The following ADCY8 variants were observed in gnomAD, a reference collection of about 807,000 sequenced individuals.
The protein encoded by ADCY8 is adenylate cyclase type 8.
Under a neutral mutation model 119.7 loss-of-function variants are expected in ADCY8, and 51 were observed. That is an observed-to-expected ratio of 0.43 (90% CI 0.34 to 0.54). The LOEUF (loss-of-function observed/expected upper bound fraction) is 0.54, where lower values mean the gene tolerates loss of function less well. Ranked by LOEUF, ADCY8 falls within the 20% of genes least tolerant of loss-of-function variation. ADCY8 has a pLI of 0.03. For missense variants in ADCY8, 1,383 were observed against 1,598.8 expected (o/e 0.87, Z 2.30); for synonymous variants, 665 against 651.0 (o/e 1.02, Z -0.33).
Position 130,783,090 on chromosome 8 carries a change from C to T in ADCY8, c.3268+601G>A, listed in dbSNP as rs146811740. Among the ~76,000 whole-genome samples the T allele has an allele frequency of 2.0e-3, 304 of 151,174 alleles. 1 individual carries two copies. The highest frequency in any genetic ancestry group is 4.0e-3 in the Admixed American group (61 of 15,136). On this transcript the variant is annotated intron_variant, in intron 17 of 17. Transcript: ENST00000286355. ...ATATTCAGACTGCATTTTAGGAGGT[C>T]ACTGAGGCTCAGTAGAGATGTGGAA...
intron 1 of ADCY8, 185 bp from the exon 2 acceptor site, chr8:130,990,727 G>T: frequency 1.5e-6 from 1 of 650,824 alleles, no homozygotes. Context: ...CTTTGGAGAG[G>T]GCTTCTTTCA....
At chr8:130,927,422 C>A (rs760860861) in intron 5 of ADCY8, among the ~76,000 whole-genome samples, 7 of 151,922 alleles carry the variant, frequency 4.6e-5, no homozygotes, top group Non-Finnish European at 7.4e-5. Flanking sequence ...GGTCCTTTGC[C>A]CATTTTAAAA....
At chr8:130,974,905 G>A (rs976735486) in intron 2 of ADCY8, among the ~76,000 whole-genome samples, 2 of 152,196 alleles carry the variant, frequency 1.3e-5, no homozygotes, top group African/African-American at 2.4e-5. Context: ...TTTTGTGGCT[G>A]TTCAGAAGGT....
chr8:130,809,988 A>T (rs1421586121), intron 14 of ADCY8, among the ~76,000 whole-genome samples: 1 of 152,266 alleles, frequency 6.6e-6, no homozygotes, highest in African/African-American at 2.4e-5. Flanking sequence ...TGTGAGGCCC[A>T]CATTGATGCA....
intron 9 of ADCY8, among the ~76,000 whole-genome samples, chr8:130,865,376 T>C (rs989844049): frequency 6.6e-6 from 1 of 152,050 alleles, no homozygotes; most frequent in Non-Finnish European, 1.5e-5. Flanking sequence ...GAGCTGTCTT[T>C]CCAAATTTCT....
At chr8:130,830,122 G>T (rs1485885776) in intron 12 of ADCY8, among the ~76,000 whole-genome samples, 4 of 152,188 alleles carry the variant, frequency 2.6e-5, no homozygotes, top group Admixed American at 1.3e-4. Flanking sequence ...TACTTAGGCA[G>T]ATAGTGAGGG....
At chr8:131,015,749 T>C (rs1823455219) in intron 1 of ADCY8, among the ~76,000 whole-genome samples, 1 of 152,184 alleles carries the variant, frequency 6.6e-6, no homozygotes, top group African/African-American at 2.4e-5. Context: ...AGTTATTATA[T>C]CCACGTCTAG....
At chr8:130,940,719 T>C (rs1260410593) in intron 4 of ADCY8, among the ~76,000 whole-genome samples, 1 of 152,070 alleles carries the variant, frequency 6.6e-6, no homozygotes, top group Non-Finnish European at 1.5e-5. Flanking sequence ...TGGAAAAAAA[T>C]ATTCAAAAAG....
rs577691516 is a variant in ADCY8, at chr8:131,036,550, C to T, written c.960+2824G>A. 5.3e-5 allele frequency among the ~76,000 whole-genome samples: 8 copies of T among 152,288 alleles called. No homozygotes were observed. In the East Asian group the frequency reaches 1.5e-3, roughly 29 times the overall value. ...AATGCTATTTATGATAGACAACATCCTTGCCCTTATGGTGTTTACATTCTT... is the reference window on the plus strand; with the variant it reads ...AATGCTATTTATGATAGACAACATCTTTGCCCTTATGGTGTTTACATTCTT... On this transcript the variant is annotated intron_variant, in intron 1 of 17. Transcript: ENST00000286355.
chr8:131,035,115 C>A (rs916822251), intron 1 of ADCY8, among the ~76,000 whole-genome samples: 1 of 152,038 alleles, frequency 6.6e-6, no homozygotes, highest in African/African-American at 2.4e-5. Context: ...GTGATACAAA[C>A]AATTGGTTTA....
intron 13 of ADCY8, among the ~76,000 whole-genome samples, 172 bp downstream of exon 13, chr8:130,821,170 C>A (rs537774960): frequency 6.6e-6 from 1 of 152,322 alleles, no homozygotes; most frequent in South Asian, 2.1e-4. Context: ...TTTACCAGAT[C>A]TTCTCCAGCT....
intron 1 of ADCY8, chr8:130,990,791 A>G (rs1056431802): frequency 3.8e-5 from 12 of 313,358 alleles, no homozygotes; most frequent in South Asian, 1.5e-4. Context: ...TGGAGTCTTC[A>G]TGGGAAACCT....
chr8:130,829,040 G>A (rs1816748710), intron 12 of ADCY8, among the ~76,000 whole-genome samples: 1 of 152,158 alleles, frequency 6.6e-6, no homozygotes, highest in African/African-American at 2.4e-5. Context: ...ATAGTCAAAG[G>A]GAAGTCACAG....
chr8:130,794,687 C>A (rs917316810), intron 15 of ADCY8, among the ~76,000 whole-genome samples: 1 of 152,192 alleles, frequency 6.6e-6, no homozygotes, highest in African/African-American at 2.4e-5. Context: ...TAAAAACAAA[C>A]AACAGAAACT....
At chr8:130,967,355 G>A (rs534737726) in intron 2 of ADCY8, among the ~76,000 whole-genome samples, 14 of 152,176 alleles carry the variant, frequency 9.2e-5, no homozygotes, top group Admixed American at 2.6e-4. Context: ...CAGTGTTCTC[G>A]TGTCAAGCAA....
At chr8:130,920,598 T>G (rs1186964250) in intron 5 of ADCY8, among the ~76,000 whole-genome samples, 1 of 152,248 alleles carries the variant, frequency 6.6e-6, no homozygotes, top group Non-Finnish European at 1.5e-5. Flanking sequence ...CCATATATTC[T>G]AACTCTGAGC....
intron 9 of ADCY8, among the ~76,000 whole-genome samples, chr8:130,851,191 G>C (rs77831052): frequency 0.048 from 7,370 of 152,260 alleles, 200 homozygotes; most frequent in Middle Eastern, 0.15. Context: ...GCAGGCATCA[G>C]GGTACTGGGG....
Position 130,800,476 on chromosome 8 carries a change from C to T in ADCY8, c.3010G>A (p.Gly1004Arg). The T allele has an allele frequency of 6.2e-7, 1 of 1,614,160 alleles. No individual in the cohort carries two copies. The highest frequency in any genetic ancestry group is 8.5e-7 in the Non-Finnish European group (1 of 1,180,032). ...FYSQTEMNNQGVECLRLLNEI... is the reference protein window; with the variant it reads ...FYSQTEMNNQRVECLRLLNEI... ...TTGAGCAAGCGCAGGCATTCCACTCCCTGGTTATTCATTTCAGTCTGAGAG... is the reference window on the plus strand; with the variant it reads ...TTGAGCAAGCGCAGGCATTCCACTCTCTGGTTATTCATTTCAGTCTGAGAG... The change falls in exon 15 of 18, where the codon GGA becomes AGA. Residue 1004 changes from glycine (G) to arginine (R), a missense_variant. Transcript: ENST00000286355.
At chr8:130,911,804 G>C (rs1373058745) in intron 5 of ADCY8, among the ~76,000 whole-genome samples, 1 of 150,724 alleles carries the variant, frequency 6.6e-6, no homozygotes, top group Non-Finnish European at 1.5e-5. Context: ...AATTTTATTA[G>C]ATATGCATAT....
Sources: gnomAD v4.1 joint callset for allele counts (sites outside exome capture counted in the v4.1 genomes callset) on GRCh38, gnomAD v4.1.1 for gene constraint, MANE v1.5 for transcripts, NCBI Gene and HGNC (gene_info 2026-07-23, HGNC 2026-07-21) for gene names.